LDAH: variants seen among roughly 807,000 people sequenced by gnomAD.
The protein encoded by LDAH is lipid droplet associated hydrolase.
In LDAH, 26 loss-of-function variants were observed where a neutral mutation model predicts 29.6. That is an observed-to-expected ratio of 0.88 (90% CI 0.64 to 1.22). The LOEUF (loss-of-function observed/expected upper bound fraction) is 1.22. Among genes scored for constraint, LDAH ranks in the 50% most tolerant of loss-of-function variants. LDAH has a pLI of 0.00. For missense variants in LDAH, 344 were observed against 387.3 expected (o/e 0.89, Z 0.94); for synonymous variants, 117 against 133.0 (o/e 0.88, Z 0.83).
chr2:20,690,786 G>C (rs918071375), intron 6 of LDAH, among the ~76,000 whole-genome samples: 1 of 152,114 alleles, frequency 6.6e-6, no homozygotes, highest in Non-Finnish European at 1.5e-5. Flanking sequence ...TTATTTATCG[G>C]TATGCAAAAA....
chr2:20,763,465 G>A (rs1328300642), intron 4 of LDAH, among the ~76,000 whole-genome samples: 1 of 152,230 alleles, frequency 6.6e-6, no homozygotes, highest in African/African-American at 2.4e-5. Context: ...TGAAGAGGGG[G>A]AAGAATTTGC....
At chr2:20,767,146 G>C (rs1313978979) in intron 4 of LDAH, among the ~76,000 whole-genome samples, 1 of 152,194 alleles carries the variant, frequency 6.6e-6, no homozygotes, top group Non-Finnish European at 1.5e-5. Flanking sequence ...CCTGGGCCCA[G>C]CAAGTACCTA....
intron 5 of LDAH, among the ~76,000 whole-genome samples, chr2:20,728,488 T>A (rs1666170889): frequency 6.6e-6 from 1 of 152,082 alleles, no homozygotes; most frequent in African/African-American, 2.4e-5. Context: ...GAGTATAAAC[T>A]CTAGCAGAGC....
In LDAH at chr2:20,686,750, A is replaced by G. The variant is rs1344364704; in HGVS notation, c.*153T>C. The G allele has an allele frequency of 3.1e-6, 2 of 638,396 alleles. No homozygotes were observed. The highest frequency in any genetic ancestry group is 2.1e-5 in the South Asian group (1 of 48,752). 39.5% of individuals were successfully genotyped at this position (638,396 alleles called of 1,614,324 possible). A position where few individuals can be genotyped will look rare whatever the true frequency, so the allele number is the denominator to read the frequency against. On this transcript the variant is annotated 3_prime_UTR_variant, in exon 7 of 7. Coordinates refer to ENST00000237822, the MANE Select transcript of LDAH (RefSeq NM_021925.4). ...TCATCAACTGTGTTTACTTCAGCCTATAACATGGCGAGCGGAGAGTTGGTT... is the reference window on the plus strand; with the variant it reads ...TCATCAACTGTGTTTACTTCAGCCTGTAACATGGCGAGCGGAGAGTTGGTT...
chr2:20,720,882 G>A (rs1665599174), intron 5 of LDAH, among the ~76,000 whole-genome samples: 1 of 152,024 alleles, frequency 6.6e-6, no homozygotes, highest in Admixed American at 6.6e-5. Flanking sequence ...CACACATTGG[G>A]GAAAGGATAG....
intron 6 of LDAH, among the ~76,000 whole-genome samples, chr2:20,697,563 G>C (rs1297687132): frequency 6.6e-6 from 1 of 152,158 alleles, no homozygotes; most frequent in African/African-American, 2.4e-5. Flanking sequence ...GTTGTCAAAT[G>C]TTTTGACTGT....
intron 5 of LDAH, among the ~76,000 whole-genome samples, chr2:20,717,548 T>G (rs2149390256): frequency 6.6e-6 from 1 of 152,258 alleles, no homozygotes; most frequent in South Asian, 2.1e-4. Context: ...TATGCTGGAG[T>G]GCCAAATGGA....
At chr2:20,773,420 C>T (rs941820301) in intron 4 of LDAH, among the ~76,000 whole-genome samples, 2 of 151,984 alleles carry the variant, frequency 1.3e-5, no homozygotes, top group Non-Finnish European at 2.9e-5. Context: ...GAGCTGGACA[C>T]CATAAAGATG....
intron 3 of LDAH, among the ~76,000 whole-genome samples, chr2:20,776,708 ATAT>A (rs1558468338): frequency 1.3e-5 from 2 of 152,164 alleles, no homozygotes; most frequent in Non-Finnish European, 2.9e-5. Context: ...TATGCATGAA[ATAT>A]TATATTTAGG....
chr2:20,706,428 T>G (rs182322537), intron 5 of LDAH, among the ~76,000 whole-genome samples: 2 of 152,312 alleles, frequency 1.3e-5, no homozygotes, highest in Non-Finnish European at 2.9e-5. Flanking sequence ...AGCCATTTTG[T>G]TCATGGCATT....
chr2:20,811,034 T>C (rs75117261), intron 1 of LDAH, among the ~76,000 whole-genome samples: 1 of 151,760 alleles, frequency 6.6e-6, no homozygotes, highest in Non-Finnish European at 1.5e-5. Flanking sequence ...TTTTTTTTTT[T>C]TGAGACGGAG....
intron 4 of LDAH, among the ~76,000 whole-genome samples, chr2:20,746,085 G>C (rs1355593168): frequency 6.6e-6 from 1 of 152,218 alleles, no homozygotes; most frequent in Non-Finnish European, 1.5e-5. Context: ...CAGAGTACTT[G>C]AAGAAGAGAG....
chr2:20,720,975 A>G (rs1223331543), intron 5 of LDAH, among the ~76,000 whole-genome samples: 2 of 152,190 alleles, frequency 1.3e-5, no homozygotes, highest in African/African-American at 4.8e-5. Flanking sequence ...ACCATATACA[A>G]AAATCAACTC....
At chr2:20,683,817 A>T (rs2149314740), downstream of LDAH, among the ~76,000 whole-genome samples, 1 of 152,300 alleles carries the variant, frequency 6.6e-6, no homozygotes, top group East Asian at 1.9e-4. Flanking sequence ...ATGCCAGGCA[A>T]CATACTAAAT....
chr2:20,700,175 C>T (rs1357230893), intron 6 of LDAH, among the ~76,000 whole-genome samples: 3 of 152,220 alleles, frequency 2.0e-5, no homozygotes, highest in East Asian at 3.8e-4. Context: ...ATTTTCACAT[C>T]GCTCAGTGAC....
chr2:20,737,309 A>G (rs994143606), intron 5 of LDAH, among the ~76,000 whole-genome samples: 5 of 152,216 alleles, frequency 3.3e-5, no homozygotes, highest in Non-Finnish European at 2.9e-5. Context: ...GAAATAGTGG[A>G]AAGTCCATTT....
chr2:20,701,804 G>A, intron 5 of LDAH, 152 bp from the exon 6 acceptor site: 1 of 656,344 alleles, frequency 1.5e-6, no homozygotes, highest in Non-Finnish European at 2.7e-6. Flanking sequence ...ATGTGAGTCA[G>A]GCAACATGCA....
At chr2:20,790,098 A>G (rs944082563) in intron 3 of LDAH, among the ~76,000 whole-genome samples, 157 bp downstream of exon 3, 1 of 152,348 alleles carries the variant, frequency 6.6e-6, no homozygotes, top group East Asian at 1.9e-4. Context: ...AAGAGTTAAA[A>G]TGTCTCTAAA....
At chr2:20,811,272 C>T (rs1426324085) in intron 1 of LDAH, among the ~76,000 whole-genome samples, 4 of 151,958 alleles carry the variant, frequency 2.6e-5, no homozygotes, top group Admixed American at 6.6e-5. Context: ...CCCATCTCGG[C>T]CTCCCAAAGT....
Sources: gnomAD v4.1 joint callset for allele counts (sites outside exome capture counted in the v4.1 genomes callset) on GRCh38, gnomAD v4.1.1 for gene constraint, MANE v1.5 for transcripts, NCBI Gene and HGNC (gene_info 2026-07-23, HGNC 2026-07-21) for gene names.